Variants in TAOK1 observed in about 807,000 individuals in gnomAD.
The protein encoded by TAOK1 is serine/threonine-protein kinase TAO1.
In TAOK1, 21 loss-of-function variants were observed where a neutral mutation model predicts 138.3. The observed-to-expected ratio is 0.15, with a 90% confidence interval of 0.11 to 0.22. The LOEUF is 0.22. Ranked by LOEUF, TAOK1 falls within the 10% of genes least tolerant of loss-of-function variation. The pLI is 1.00. For synonymous variants in TAOK1, 361 were observed against 398.4 expected (o/e 0.91, Z 1.12); for missense variants, 651 against 1,227.7 (o/e 0.53, Z 7.02).
chr17:29,530,841 G>A (rs1015791127), intron 18 of TAOK1: 21 of 566,786 alleles, frequency 3.7e-5, no homozygotes, highest in Admixed American at 2.4e-4. Context: ...TTCTAAATAG[G>A]CTCCCTGCCA....
rs564620895 is a variant in TAOK1 at position 29,494,111 on chromosome 17, T to G, written c.832-1449T>G. On this transcript the variant is annotated intron_variant, in intron 10 of 19. Coordinates refer to ENST00000261716, the MANE Select transcript of TAOK1 (RefSeq NM_020791.4). ...TTTTATATTTTTAGGGTTTCACTAT[T>G]GGCTAGGCTGGTCTTGAACTCCTGG... Among the ~76,000 whole-genome samples, 20 of 152,244 alleles carry G rather than the reference T, an allele frequency of 1.3e-4. No homozygotes were observed. The South Asian group carries it at 3.7e-3, about 28-fold the overall frequency.
chr17:29,546,940 C>T lies in TAOK1; in HGVS notation c.*3918C>T, dbSNP rs1338372714. ...CCTTTTTAATCCCCTCTTAGCACTT[C>T]TGTGAGTGGAGAGGACATTAAGTAA... On this transcript the variant is annotated 3_prime_UTR_variant, in exon 20 of 20. Transcript: ENST00000261716. 6.6e-6 allele frequency: 1 copy of T among 152,080 alleles called. No homozygotes were observed. Among genetic ancestry groups the T allele is most frequent in the Middle Eastern group, 3.2e-3 (1 of 316 alleles). The allele number at this position is 152,080 out of a possible 1,614,324, so 9.4% of individuals were successfully genotyped here.
intron 13 of TAOK1, among the ~76,000 whole-genome samples, chr17:29,506,676 A>G (rs2031634285): frequency 1.3e-5 from 2 of 152,338 alleles, no homozygotes; most frequent in East Asian, 3.9e-4. Flanking sequence ...ATTTAATTTA[A>G]TATGTTGAAT....
intron 2 of TAOK1, among the ~76,000 whole-genome samples, chr17:29,456,773 G>A (rs377029027): frequency 2.2e-4 from 33 of 150,202 alleles, no homozygotes; most frequent in Middle Eastern, 3.4e-3. Flanking sequence ...TCGCTCTGTC[G>A]CCTAGGCTGG....
In TAOK1 at chr17:29,451,489, G is replaced by A. The variant is rs2030233741; in HGVS notation, c.-60G>A. 2.0e-6 allele frequency: 3 copies of A among 1,513,926 alleles called. No homozygotes were observed. Among genetic ancestry groups the A allele is most frequent in the Admixed American group, 4.4e-5 (2 of 45,850 alleles). 93.8% of individuals were successfully genotyped at this position (1,513,926 alleles called of 1,614,324 possible). The stretch of plus-strand genomic sequence containing the variant: ...CCAACGTGACTTCATTCATACAGAT[G>A]AACCAAGGATCGGGATAGCAGTATA... On this transcript the variant is annotated 5_prime_UTR_variant, in exon 2 of 20. An upstream start codon of the reference 5' UTR is lost. Transcript: ENST00000261716.
At chr17:29,539,790 G>A (rs2032284844) in intron 19 of TAOK1, among the ~76,000 whole-genome samples, 1 of 152,096 alleles carries the variant, frequency 6.6e-6, no homozygotes, top group South Asian at 2.1e-4. Context: ...TAAGGTGGGA[G>A]GATAGCCTGA....
chr17:29,545,885 A>G lies in TAOK1; in HGVS notation c.*2863A>G, dbSNP rs1258804541. ...TAAAACTATGGAAAATTTGTCTAGC[A>G]TATCAGAAGTTGTAAATGCTATATC... On this transcript the variant is annotated 3_prime_UTR_variant, in exon 20 of 20. Transcript: ENST00000261716. 1 of 152,178 alleles carries G rather than the reference A, an allele frequency of 6.6e-6. No individual in the cohort carries two copies. Among genetic ancestry groups the G allele is most frequent in the African/African-American group, 2.4e-5 (1 of 41,446 alleles). 9.4% of individuals were successfully genotyped at this position (152,178 alleles called of 1,614,324 possible). A position where few individuals can be genotyped will look rare whatever the true frequency, so the allele number is the denominator to read the frequency against.
At chr17:29,473,858 A>G (rs2030884122) in intron 3 of TAOK1, among the ~76,000 whole-genome samples, 1 of 151,476 alleles carries the variant, frequency 6.6e-6, no homozygotes, top group Non-Finnish European at 1.5e-5. Context: ...TTTCCTCCCT[A>G]GTAGCTAGGA....
intron 1 of TAOK1, among the ~76,000 whole-genome samples, chr17:29,428,313 G>A (rs1905713899): frequency 6.6e-6 from 1 of 152,186 alleles, no homozygotes; most frequent in African/African-American, 2.4e-5. Flanking sequence ...AGATTGGAAT[G>A]CTTGAGAGGT....
intron 19 of TAOK1, among the ~76,000 whole-genome samples, chr17:29,538,689 G>C (rs956745267): frequency 6.6e-6 from 1 of 152,190 alleles, no homozygotes; most frequent in Non-Finnish European, 1.5e-5. Context: ...ATTGTTGTAA[G>C]TCTCCAAGTG....
At chr17:29,421,018 C>T (rs189710676) in intron 1 of TAOK1, among the ~76,000 whole-genome samples, 36 of 152,298 alleles carry the variant, frequency 2.4e-4, no homozygotes, top group African/African-American at 8.7e-4. Context: ...CAACCTCTGC[C>T]TCCCAGGTTC....
chr17:29,443,132 C>G (rs2029989445), intron 1 of TAOK1, among the ~76,000 whole-genome samples: 1 of 152,104 alleles, frequency 6.6e-6, no homozygotes, highest in Admixed American at 6.6e-5. Context: ...TTTTCTAAGC[C>G]TGAACACTTT....
intron 1 of TAOK1, among the ~76,000 whole-genome samples, chr17:29,430,774 C>CT (rs755174191): frequency 1.6e-3 from 242 of 152,270 alleles, no homozygotes; most frequent in Non-Finnish European, 3.1e-3. Flanking sequence ...GACTGAAGGT[C>CT]TTTCTTCTGT....
At position 29,506,053 on chromosome 17, in the gene TAOK1, G is replaced by T. The variant is rs547549456; in HGVS notation, c.1339-1843G>T. On this transcript the variant is annotated intron_variant, in intron 13 of 19. Coordinates refer to ENST00000261716, the MANE Select transcript of TAOK1 (RefSeq NM_020791.4). ...GTATGGCCATTTTGGAAAATGGTGT[G>T]GAGGTTCCTCAAAAAACTAAAAATA... Among the ~76,000 whole-genome samples, 4 of 152,304 alleles carry T rather than the reference G, an allele frequency of 2.6e-5. No individual in the cohort carries two copies. In the South Asian group the frequency reaches 6.2e-4, roughly 24 times the overall value.
chr17:29,410,112 A>G (rs182952104), intron 1 of TAOK1, among the ~76,000 whole-genome samples: 2 of 152,234 alleles, frequency 1.3e-5, no homozygotes, highest in Admixed American at 6.5e-5. Flanking sequence ...GTTTATCGTC[A>G]TGGATGTTCT....
intron 1 of TAOK1, among the ~76,000 whole-genome samples, chr17:29,430,554 A>G (rs1033096758): frequency 1.3e-5 from 2 of 152,216 alleles, no homozygotes; most frequent in South Asian, 2.1e-4. Context: ...GGGACAGCCA[A>G]TATCCCATCT....
chr17:29,411,846 G>C (rs759974612), intron 1 of TAOK1, among the ~76,000 whole-genome samples: 1 of 151,962 alleles, frequency 6.6e-6, no homozygotes, highest in African/African-American at 2.4e-5. Flanking sequence ...ATTCTTGAAG[G>C]CTCCCTCGTG....
At chr17:29,400,985 A>G (rs1303718906) in intron 1 of TAOK1, among the ~76,000 whole-genome samples, 1 of 140,056 alleles carries the variant, frequency 7.1e-6, no homozygotes, top group African/African-American at 2.7e-5. Flanking sequence ...ATCATAGTTC[A>G]CTGCGGCCTC....
chr17:29,413,318 C>T (rs963147619), intron 1 of TAOK1, among the ~76,000 whole-genome samples: 19 of 151,946 alleles, frequency 1.3e-4, no homozygotes, highest in Admixed American at 9.9e-4. Context: ...CATTTTAGGC[C>T]GGGTATGGTG....
Sources: allele counts gnomAD v4.1 joint callset (sites outside exome capture counted in the v4.1 genomes callset), GRCh38; gene constraint gnomAD v4.1.1; transcripts MANE v1.5; gene names NCBI Gene and HGNC (gene_info 2026-07-23, HGNC 2026-07-21).